The following FHAD1 variants were observed in gnomAD, a reference collection of about 807,000 sequenced individuals.
The protein encoded by FHAD1 is forkhead associated phosphopeptide binding domain 1.
In FHAD1, 146 loss-of-function variants were observed where a neutral mutation model predicts 191.3. That is an observed-to-expected ratio of 0.76 (90% CI 0.67 to 0.88). The LOEUF (loss-of-function observed/expected upper bound fraction) is 0.88, where lower values mean the gene tolerates loss of function less well. FHAD1 is among the 40% of genes least tolerant of loss of function. The probability of loss-of-function intolerance (pLI) is 0.00; values close to 1 mark genes in which losing one functional copy is unlikely to be tolerated. For synonymous variants in FHAD1, 616 were observed against 672.3 expected, an observed-to-expected ratio of 0.92 and a Z score of 1.29; for missense variants, 1,635 against 1,785.8, an observed-to-expected ratio of 0.92 and a Z score of 1.52.
rs556833706 is a variant in FHAD1 at position 15,289,876 on chromosome 1, G to A, written c.568+210G>A. On this transcript the variant is annotated intron_variant, in intron 4 of 33. Coordinates refer to ENST00000688493, the MANE Select transcript of FHAD1 (RefSeq NM_001391957.1). This position sits in a 1 kb window ranked among gnomAD's most constrained non-coding sequence, Gnocchi z 4.2. ...GGTCTCCCTATTGACTCTCTGCTGC[G>A]TATCCCTCCAGCCTCTGTGCTGTGT... Among the ~76,000 whole-genome samples, 4 of 152,184 alleles carry A rather than the reference G, an allele frequency of 2.6e-5. No homozygotes were observed. The highest frequency in any genetic ancestry group is 4.8e-5 in the African/African-American group (2 of 41,438).
intron 4 of FHAD1, among the ~76,000 whole-genome samples, chr1:15,294,574 G>T (rs1666293611): frequency 6.6e-6 from 1 of 152,150 alleles, no homozygotes; most frequent in Non-Finnish European, 1.5e-5. Context: ...TGTATTTTTA[G>T]TAGAGTTGGA....
In FHAD1 at chr1:15,329,939, G is replaced by A. The variant is rs961460700; in HGVS notation, c.1906+398G>A. 1.1e-5 allele frequency: 2 copies of A among 186,576 alleles called. No homozygotes were observed. Among genetic ancestry groups the A allele is most frequent in the African/African-American group, 2.3e-5 (1 of 43,058 alleles). The allele number at this position is 186,576 out of a possible 1,614,324, so 11.6% of individuals were successfully genotyped here. The stretch of plus-strand genomic sequence containing the variant: ...TAATAGGGAGTACCCACCCTTTAGG[G>A]CTGTTGTGATCATTAAAATGCATGA... On this transcript the variant is annotated intron_variant, in intron 14 of 33. Transcript: ENST00000688493. This position sits in a 1 kb window ranked among gnomAD's most constrained non-coding sequence, Gnocchi z 5.0.
intron 2 of FHAD1, 136 bp downstream of exon 2, chr1:15,252,013 T>G (rs943960696): frequency 1.4e-6 from 1 of 737,774 alleles, no homozygotes. Context: ...TTCCTTGGTG[T>G]GCTACCAATA....
At chr1:15,243,404 C>T (rs1206136746), upstream of FHAD1, among the ~76,000 whole-genome samples, 2 of 152,240 alleles carry the variant, frequency 1.3e-5, no homozygotes, top group East Asian at 1.9e-4. Context: ...GCACTCTTTA[C>T]TCTCTTGTTC....
At position 15,345,503 on chromosome 1, in the gene FHAD1, C is replaced by A. The variant is rs764165573; in HGVS notation, c.2326C>A (p.Arg776Ser). 6.4e-6 allele frequency: 10 copies of A among 1,551,938 alleles called. No individual in the cohort carries two copies. Among genetic ancestry groups the A allele is most frequent in the South Asian group, 1.2e-5 (1 of 84,062 alleles). The change falls in exon 18 of 34, where the codon CGC becomes AGC. Residue 776 changes from arginine to serine, a missense_variant. Arg to Ser is a moderately radical substitution (Grantham distance 110). Transcript: ENST00000688493. Reference sequence around the variant, plus strand: ...GACAAGAGTCCAAGAGCTGGAGGAACGCTTGGCCCGCCAGAAGGAGGTACG... The same window carrying A: ...GACAAGAGTCCAAGAGCTGGAGGAAAGCTTGGCCCGCCAGAAGGAGGTACG... ...EQTRVQELEE[R>S]LARQKEVLES...
At chr1:15,377,469 C>T (rs1371536250) in intron 28 of FHAD1, among the ~76,000 whole-genome samples, 1 of 152,218 alleles carries the variant, frequency 6.6e-6, no homozygotes, top group Non-Finnish European at 1.5e-5. Context: ...CCACCACAGA[C>T]ACCATGCAGC....
chr1:15,347,058 G>A (rs148537275), intron 18 of FHAD1, among the ~76,000 whole-genome samples: 1 of 152,210 alleles, frequency 6.6e-6, no homozygotes, highest in Non-Finnish European at 1.5e-5. Context: ...GGCAAAGCCT[G>A]TGCCATTTGA....
chr1:15,257,512 G>C (rs988991096), intron 2 of FHAD1, among the ~76,000 whole-genome samples: 5 of 152,200 alleles, frequency 3.3e-5, no homozygotes, highest in Admixed American at 3.3e-4. Flanking sequence ...GTCCCATCAG[G>C]ACGCGCCCGT....
In FHAD1 at chr1:15,340,874, G is replaced by A. The variant is rs193100847; in HGVS notation, c.1978-862G>A. On this transcript the variant is annotated intron_variant, in intron 15 of 33. Coordinates refer to ENST00000688493, the MANE Select transcript of FHAD1 (RefSeq NM_001391957.1). Reference sequence around the variant, plus strand: ...GTAAGCAATGGACATGATAAGCATGGCACTGTTCCAATAAAACTTTATTTA... The same window carrying A: ...GTAAGCAATGGACATGATAAGCATGACACTGTTCCAATAAAACTTTATTTA... Among the ~76,000 whole-genome samples the A allele has an allele frequency of 2.6e-5, 4 of 152,142 alleles. No individual in the cohort carries two copies. In the East Asian group the frequency reaches 7.7e-4, roughly 29 times the overall value.
At chr1:15,352,771 C>A (rs1691327214) in intron 19 of FHAD1, 106 bp from the exon 20 acceptor site, 3 of 792,196 alleles carry the variant, frequency 3.8e-6, no homozygotes, top group Admixed American at 4.8e-5. Flanking sequence ...ATCTTTCTCT[C>A]CAACCCTGAC....
chr1:15,323,846 C>T (rs1186606588), intron 10 of FHAD1, among the ~76,000 whole-genome samples: 2 of 152,188 alleles, frequency 1.3e-5, no homozygotes, highest in African/African-American at 2.4e-5. Context: ...TCTTTACTAG[C>T]CATTGCTTAG....
At chr1:15,358,694 C>T (rs554777824) in intron 21 of FHAD1, among the ~76,000 whole-genome samples, 23 of 152,276 alleles carry the variant, frequency 1.5e-4, no homozygotes, top group Admixed American at 3.3e-4. Context: ...TGATGAGTGA[C>T]GATTCCACAG....
intron 14 of FHAD1, among the ~76,000 whole-genome samples, chr1:15,337,992 C>T (rs911360528): frequency 2.0e-5 from 3 of 152,122 alleles, no homozygotes; most frequent in Non-Finnish European, 1.5e-5. Context: ...TCTCTCAAGC[C>T]GACGGTTTCA....
rs184220585 is a variant in FHAD1, at chr1:15,349,259, T to A, written c.2454+110T>A. 8 of 828,414 alleles carry A rather than the reference T, an allele frequency of 9.7e-6. No homozygotes were observed. In the East Asian group the frequency reaches 2.1e-4, roughly 22 times the overall value. The allele number at this position is 828,414 out of a possible 1,614,324, so 51.3% of individuals were successfully genotyped here. A position where few individuals can be genotyped will look rare whatever the true frequency, so the allele number is the denominator to read the frequency against. On this transcript the variant is annotated intron_variant, in intron 19 of 33. Transcript: ENST00000688493. ...ATCAGAGCCATGCCTCCCTTTGAAG[T>A]GGCCAAGATCTGCCGTTTACTGGCT...
chr1:15,310,556 A>G lies in FHAD1; in HGVS notation c.1039+1820A>G, dbSNP rs567574932. Among the ~76,000 whole-genome samples, 3 of 152,278 alleles carry G rather than the reference A, an allele frequency of 2.0e-5. No homozygotes were observed. The East Asian group carries it at 5.8e-4, about 29-fold the overall frequency. On this transcript the variant is annotated intron_variant, in intron 7 of 33. Coordinates refer to ENST00000688493, the MANE Select transcript of FHAD1 (RefSeq NM_001391957.1). ...GCTCAGGTATGGCCTGGGATGGGCT[A>G]CACTCTCACGGCCCCAAGTGTGGTC...
At chr1:15,271,720 C>T (rs774882651) in intron 2 of FHAD1, among the ~76,000 whole-genome samples, 1 of 151,880 alleles carries the variant, frequency 6.6e-6, no homozygotes, top group Non-Finnish European at 1.5e-5. Flanking sequence ...TTTAAAAGGA[C>T]GTAAGCATAG....
intron 33 of FHAD1, among the ~76,000 whole-genome samples, chr1:15,394,839 G>A (rs1031057954): frequency 6.6e-6 from 1 of 152,196 alleles, no homozygotes; most frequent in African/African-American, 2.4e-5. Context: ...GCAAAGCTTT[G>A]CAGGAACAGA....
Position 15,311,415 on chromosome 1 carries a change from G to C in FHAD1, c.1040-1642G>C, listed in dbSNP as rs1672235252. ...GAGTAGCTCACTTTCCCACCATCCA[G>C]AATGGGGCAACCTTGCACTACACAG... On this transcript the variant is annotated intron_variant, in intron 7 of 33. Transcript: ENST00000688493. The surrounding 1 kb of genome is among the most constrained non-coding windows in gnomAD (Gnocchi z 4.1). Among the ~76,000 whole-genome samples the C allele has an allele frequency of 6.6e-6, 1 of 152,178 alleles. No homozygotes were observed. The highest frequency in any genetic ancestry group is 2.1e-4 in the South Asian group (1 of 4,830).
chr1:15,335,116 T>C (rs1683478835), intron 14 of FHAD1, among the ~76,000 whole-genome samples: 1 of 152,152 alleles, frequency 6.6e-6, no homozygotes. Flanking sequence ...GGGAAATGAC[T>C]TGTGGTGTTG....
Sources: allele counts gnomAD v4.1 joint callset (sites outside exome capture counted in the v4.1 genomes callset), GRCh38; gene constraint gnomAD v4.1.1; non-coding constraint Gnocchi (gnomAD v3.1); transcripts MANE v1.5; gene names NCBI Gene and HGNC (gene_info 2026-07-23, HGNC 2026-07-21).